The following PICALM variants were observed in gnomAD, a reference collection of about 807,000 sequenced individuals.
The protein encoded by PICALM is phosphatidylinositol binding clathrin assembly protein, also known as phosphatidylinositol-binding clathrin assembly protein.
A neutral mutation model predicts 80.5 loss-of-function variants in PICALM; 40 were observed. The observed-to-expected ratio is 0.50, with a 90% CI of 0.39 to 0.65. The LOEUF (loss-of-function observed/expected upper bound fraction) is 0.65. PICALM is among the 30% of genes least tolerant of loss of function. The pLI is 0.00. For missense variants in PICALM, 676 were observed against 778.9 expected (o/e 0.87, Z 1.57); for synonymous variants, 288 against 260.3 (o/e 1.11, Z -1.02).
chr11:86,019,191 G>A (rs906227715), intron 4 of PICALM, among the ~76,000 whole-genome samples: 1 of 152,146 alleles, frequency 6.6e-6, no homozygotes, highest in African/African-American at 2.4e-5. Flanking sequence ...TCTCCAAAAG[G>A]TGTAGCCTAC....
chr11:86,000,718 G>T lies in PICALM; in HGVS notation c.1079C>A (p.Pro360His). Residue 360 changes from proline to histidine, a missense_variant, in exon 11 of 20, where the codon CCT (proline) becomes CAT (histidine). Pro to His is a moderately conservative substitution (Grantham distance 77). This residue lies in a region of PICALM where 391 missense variants were observed against 383.6 expected (regional missense o/e 1.02). Coordinates refer to ENST00000393346, the MANE Select transcript of PICALM (RefSeq NM_007166.4). ...PHTSLTTAAS[P>H]VSTSAGGIMT... Reference sequence around the variant, plus strand: ...TATCCCTCCTGCTGAGGTGGATACAGGAGAGGCTGCAGTTGTTAAAGAGGT... The same window carrying T: ...TATCCCTCCTGCTGAGGTGGATACATGAGAGGCTGCAGTTGTTAAAGAGGT... 1 of 1,612,808 alleles carries T rather than the reference G, an allele frequency of 6.2e-7. No homozygotes were observed. Among genetic ancestry groups the T allele is most frequent in the African/African-American group, 1.3e-5 (1 of 74,980 alleles).
In PICALM at chr11:85,990,286, A is replaced by G. The variant is rs1395860846; in HGVS notation, c.1372T>C (p.Phe458Leu). ...TCATGAGTAGGTGTCCTAGTAGTAA[A>G]AGTAGATACATCTGAAGAAATGGAA... is the stretch of plus-strand genomic sequence containing the variant. Reference protein sequence around the residue: ...HLSISSDVSTFTTRTPTHEMF... With the variant: ...HLSISSDVSTLTTRTPTHEMF... The change falls in exon 13 of 20, where the codon TTT (phenylalanine) becomes CTT (leucine). Residue 458 changes from phenylalanine (F) to leucine (L), a missense_variant. Physicochemically the swap from Phe to Leu is conservative, Grantham distance 22. Transcript: ENST00000393346. 16 of 1,606,852 alleles carry G rather than the reference A, an allele frequency of 1.0e-5. No homozygotes were observed. The highest frequency in any genetic ancestry group is 1.3e-5 in the African/African-American group (1 of 74,836).
In PICALM at chr11:85,983,851, A is replaced by AT. The variant is rs551977454; in HGVS notation, c.1516+14dup. The AT allele has an allele frequency of 9.8e-4, 1,067 of 1,091,814 alleles. 8 individuals are homozygous for AT. The African/African-American group carries it at 0.016, about 16-fold the overall frequency. The allele number at this position is 1,091,814 out of a possible 1,614,324, so 67.6% of individuals were successfully genotyped here. A position where few individuals can be genotyped will look rare whatever the true frequency, so the allele number is the denominator to read the frequency against. ...AGGACATTATAATATTTTTAATAAA[A>AT]TTTTTTTTCCTTACCCCCAGAATCT... On this transcript the variant is annotated intron_variant, in intron 14 of 19. Transcript: ENST00000393346.
At chr11:86,069,097 C>T (rs1246876755), upstream of PICALM, 1 of 303,642 alleles carries the variant, frequency 3.3e-6, no homozygotes, top group African/African-American at 2.2e-5. Context: ...CGCCAGGCTC[C>T]TCCTCGGAGC....
At chr11:86,060,735 C>A (rs1301317679) in intron 1 of PICALM, among the ~76,000 whole-genome samples, 104 of 132,842 alleles carry the variant, frequency 7.8e-4, no homozygotes, top group African/African-American at 8.2e-4. Flanking sequence ...TATCCACAGG[C>A]AAAAAAAAAA....
At chr11:85,979,630 G>A (rs573799444) in intron 17 of PICALM, among the ~76,000 whole-genome samples, 18 of 152,098 alleles carry the variant, frequency 1.2e-4, no homozygotes, top group East Asian at 1.9e-4. Context: ...GAAGTCTTAA[G>A]CTATATAATA....
chr11:85,966,325 G>A (rs2093896863), intron 19 of PICALM, among the ~76,000 whole-genome samples: 1 of 152,036 alleles, frequency 6.6e-6, no homozygotes, highest in Admixed American at 6.6e-5. Flanking sequence ...TTCCACTTTA[G>A]CCTCCAAAAG....
At chr11:86,005,984 G>C (rs1172940844) in intron 8 of PICALM, among the ~76,000 whole-genome samples, 1 of 152,108 alleles carries the variant, frequency 6.6e-6, no homozygotes, top group Non-Finnish European at 1.5e-5. Flanking sequence ...AATTACAATA[G>C]GGTGAATATT....
At chr11:86,047,872 G>T (rs1224590893) in intron 1 of PICALM, among the ~76,000 whole-genome samples, 2 of 152,146 alleles carry the variant, frequency 1.3e-5, no homozygotes, top group Non-Finnish European at 2.9e-5. Flanking sequence ...GGCTGAGGCG[G>T]GCAGATCACC....
intron 19 of PICALM, chr11:85,974,339 GCAT>G (rs2094204347): frequency 5.7e-6 from 2 of 353,150 alleles, no homozygotes; most frequent in Non-Finnish European, 1.2e-5. Flanking sequence ...CCCTGCTGTA[GCAT>G]CATTCTAGCC....
At chr11:85,961,694 G>C (rs893583622) in intron 19 of PICALM, among the ~76,000 whole-genome samples, 3 of 152,120 alleles carry the variant, frequency 2.0e-5, no homozygotes, top group African/African-American at 7.2e-5. Flanking sequence ...AGATTGCAAA[G>C]CATATAAGCA....
At chr11:86,029,396 A>G (rs1228465794) in intron 2 of PICALM, among the ~76,000 whole-genome samples, 1 of 152,166 alleles carries the variant, frequency 6.6e-6, no homozygotes, top group Admixed American at 6.5e-5. Context: ...TAGCATAAAA[A>G]CCTGAAGGTT....
At chr11:86,018,284 A>T (rs1000024741) in intron 4 of PICALM, among the ~76,000 whole-genome samples, 2 of 152,178 alleles carry the variant, frequency 1.3e-5, no homozygotes, top group African/African-American at 4.8e-5. Flanking sequence ...GCTCAATATC[A>T]CCATTTATTC....
Position 86,056,134 on chromosome 11 carries a change from T to TAAAAAAAAAAAAAAAAAAAAAA in PICALM, c.130+12516_130+12517insTTTTTTTTTTTTTTTTTTTTTT, listed in dbSNP as rs376759395. Among the ~76,000 whole-genome samples the TAAAAAAAAAAAAAAAAAAAAAA allele has an allele frequency of 1.3e-3, 103 of 76,788 alleles. 16 individuals carry two copies. Among genetic ancestry groups the TAAAAAAAAAAAAAAAAAAAAAA allele is most frequent in the Non-Finnish European group, 1.8e-3 (69 of 38,052 alleles). 50.4% of individuals were successfully genotyped at this position (76,788 alleles called of 152,430 possible). ...TGGGTGACAGAACAAGACTCTGTCT[T>TAAAAAAAAAAAAAAAAAAAAAA]TAAAAAAAAAAAAAAAGAAAAAACC... On this transcript the variant is annotated intron_variant, in intron 1 of 19. Transcript: ENST00000393346.
intron 4 of PICALM, among the ~76,000 whole-genome samples, chr11:86,018,279 A>G (rs1396624489): frequency 1.3e-5 from 2 of 152,230 alleles, no homozygotes; most frequent in Non-Finnish European, 2.9e-5. Context: ...AGTGTGCTCA[A>G]TATCACCATT....
intron 13 of PICALM, among the ~76,000 whole-genome samples, chr11:85,986,317 A>G (rs2094567827): frequency 6.6e-6 from 1 of 151,036 alleles, no homozygotes; most frequent in Non-Finnish European, 1.5e-5. Context: ...CATAATTTCA[A>G]TGCACATTAT....
chr11:85,963,920 C>T (rs1442078502), intron 19 of PICALM, among the ~76,000 whole-genome samples: 27 of 72,890 alleles, frequency 3.7e-4, no homozygotes, highest in East Asian at 1.9e-3. Context: ...CCACACCTGG[C>T]TTTTTTTTTT....
intron 4 of PICALM, among the ~76,000 whole-genome samples, chr11:86,017,251 C>T (rs2095496020): frequency 6.6e-6 from 1 of 151,488 alleles, no homozygotes; most frequent in African/African-American, 2.4e-5. Context: ...TAGCTTCTAC[C>T]TCATGTTTTT....
chr11:86,025,978 G>A (rs1385400077), intron 3 of PICALM, among the ~76,000 whole-genome samples: 2 of 152,142 alleles, frequency 1.3e-5, no homozygotes, highest in Non-Finnish European at 1.5e-5. Flanking sequence ...TTCTACTGAT[G>A]CAGAGGTGAA....
Sources: gnomAD v4.1 joint callset for allele counts (sites outside exome capture counted in the v4.1 genomes callset) on GRCh38, gnomAD v4.1.1 for gene constraint, gnomAD v4.1.1 regional missense constraint, MANE v1.5 for transcripts, NCBI Gene and HGNC (gene_info 2026-07-23, HGNC 2026-07-21) for gene names.